Variants in ZNF10 observed in about 807,000 individuals in gnomAD.
ZNF10 encodes the protein zinc finger protein 10 (KOX 1).
A neutral mutation model predicts 12.2 loss-of-function variants in ZNF10; 8 were observed. That is an observed-to-expected ratio of 0.66 (90% CI 0.39 to 1.18). ZNF10 has a LOEUF of 1.18. ZNF10 is among the 50% of genes most tolerant of loss of function. The probability of loss-of-function intolerance (pLI) is 0.01; values close to 1 mark genes in which losing one functional copy is unlikely to be tolerated. For synonymous variants in ZNF10, 229 were observed against 228.2 expected, an observed-to-expected ratio of 1.00 and a Z score of -0.03; for missense variants, 603 against 678.9, an observed-to-expected ratio of 0.89 and a Z score of 1.24.
In ZNF10 at chr12:133,145,122, GC is replaced by G. The variant is rs531458375; in HGVS notation, c.33+599del. 1.6e-4 allele frequency among the ~76,000 whole-genome samples: 25 copies of G among 152,222 alleles called. 1 individual carries two copies. In the South Asian group the frequency reaches 3.3e-3, roughly 20 times the overall value. ...TCAATATCCTGACCTCAGGTGATCC[GC>G]CTGCCTCGGCCTCCCAAAGCACTGC... On this transcript the variant is annotated intron_variant, in intron 2 of 4. Coordinates refer to ENST00000248211, the MANE Select transcript of ZNF10 (RefSeq NM_015394.5).
chr12:133,147,734 G>A (rs1410671012), intron 2 of ZNF10, among the ~76,000 whole-genome samples: 1 of 149,688 alleles, frequency 6.7e-6, no homozygotes, highest in Non-Finnish European at 1.5e-5. Flanking sequence ...TCCTGCCTTA[G>A]CCTCCCGAGT....
At chr12:133,151,758 C>A in intron 3 of ZNF10, 51 bp from the exon 4 acceptor site, 2 of 1,495,954 alleles carry the variant, frequency 1.3e-6, no homozygotes, top group South Asian at 1.2e-5. Flanking sequence ...TCGTGCCTAC[C>A]TCAGAGCTCC....
chr12:133,135,544 T>C (rs1229804259), intron 1 of ZNF10, among the ~76,000 whole-genome samples: 1 of 152,192 alleles, frequency 6.6e-6, no homozygotes, highest in Non-Finnish European at 1.5e-5. Context: ...ATGTCATCAC[T>C]CCTGTGTGTC....
chr12:133,142,209 G>A (rs1283460376), intron 1 of ZNF10, among the ~76,000 whole-genome samples: 1 of 152,140 alleles, frequency 6.6e-6, no homozygotes, highest in Non-Finnish European at 1.5e-5. Context: ...GATCACCTGA[G>A]GTCAGGAGTT....
intron 1 of ZNF10, among the ~76,000 whole-genome samples, chr12:133,131,829 ATAAAT>A (rs1383833831): frequency 6.6e-6 from 1 of 152,036 alleles, no homozygotes; most frequent in Admixed American, 6.5e-5. Flanking sequence ...GATACACATC[ATAAAT>A]TAAATGAGAA....
intron 2 of ZNF10, among the ~76,000 whole-genome samples, chr12:133,150,120 A>G (rs1404143945): frequency 1.3e-5 from 2 of 152,208 alleles, no homozygotes; most frequent in Non-Finnish European, 2.9e-5. Context: ...AGAAGAAAAC[A>G]AATCTGTTAT....
chr12:133,139,581 C>G (rs906391982), intron 1 of ZNF10, among the ~76,000 whole-genome samples: 7 of 152,096 alleles, frequency 4.6e-5, no homozygotes, highest in African/African-American at 1.4e-4. Context: ...TGCAAACACT[C>G]ATTGGAGTGA....
intron 1 of ZNF10, among the ~76,000 whole-genome samples, chr12:133,139,444 A>G (rs1955931663): frequency 1.3e-5 from 2 of 152,234 alleles, no homozygotes; most frequent in South Asian, 4.1e-4. Flanking sequence ...GAGGTAGAAA[A>G]GCCACAATCA....
At chr12:133,142,891 A>G (rs564398175) in intron 1 of ZNF10, among the ~76,000 whole-genome samples, 3 of 152,336 alleles carry the variant, frequency 2.0e-5, no homozygotes, top group Non-Finnish European at 4.4e-5. Context: ...AGATACTTGT[A>G]TGCCAGTGCT....
At chr12:133,141,666 G>GA (rs1678902168) in intron 1 of ZNF10, among the ~76,000 whole-genome samples, 2 of 151,380 alleles carry the variant, frequency 1.3e-5, no homozygotes, top group African/African-American at 4.9e-5. Flanking sequence ...AAAGAAACCA[G>GA]AAAAAAAATG....
At chr12:133,151,549 C>T (rs1278347271) in intron 3 of ZNF10, among the ~76,000 whole-genome samples, 1 of 152,124 alleles carries the variant, frequency 6.6e-6, no homozygotes, top group Non-Finnish European at 1.5e-5. Context: ...GAGGCTGAGG[C>T]AGGAGAATCA....
chr12:133,145,393 G>C (rs2135461154), intron 2 of ZNF10, among the ~76,000 whole-genome samples: 1 of 152,284 alleles, frequency 6.6e-6, no homozygotes, highest in South Asian at 2.1e-4. Context: ...TCTCATCTCT[G>C]TCTTCTTTAA....
At chr12:133,152,917 C>G (rs772745670) in intron 4 of ZNF10, among the ~76,000 whole-genome samples, 38 of 152,112 alleles carry the variant, frequency 2.5e-4, no homozygotes, top group Admixed American at 7.9e-4. Flanking sequence ...GTTTAAATCT[C>G]TACTTTGAAA....
chr12:133,132,883 TA>T (rs1355960606), intron 1 of ZNF10, among the ~76,000 whole-genome samples: 3 of 152,242 alleles, frequency 2.0e-5, no homozygotes, highest in African/African-American at 7.2e-5. Flanking sequence ...CCTTCCCATC[TA>T]GACTCTACCA....
chr12:133,137,868 C>T (rs1424754136), intron 1 of ZNF10, among the ~76,000 whole-genome samples: 1 of 152,160 alleles, frequency 6.6e-6, no homozygotes, highest in Non-Finnish European at 1.5e-5. Context: ...CCCAGTATCC[C>T]TGCTCTGAGA....
intron 2 of ZNF10, among the ~76,000 whole-genome samples, chr12:133,146,052 C>T (rs1566347498): frequency 6.6e-6 from 1 of 152,160 alleles, no homozygotes; most frequent in African/African-American, 2.4e-5. Context: ...GGGCAGGCTT[C>T]TTAGAAACTG....
chr12:133,138,908 A>T (rs1955928390), intron 1 of ZNF10, among the ~76,000 whole-genome samples: 1 of 152,098 alleles, frequency 6.6e-6, no homozygotes, highest in Non-Finnish European at 1.5e-5. Flanking sequence ...TGGCATTCTG[A>T]CTCCTTAAAA....
chr12:133,138,021 A>C (rs189422438), intron 1 of ZNF10, among the ~76,000 whole-genome samples: 1 of 147,366 alleles, frequency 6.8e-6, no homozygotes, highest in East Asian at 2.0e-4. Flanking sequence ...TTAGCTATAC[A>C]TTCATTTGTA....
At position 133,156,188 on chromosome 12, in the gene ZNF10, C is replaced by T. The variant is rs1956040068; in HGVS notation, c.942C>T (p.Thr314=). ...RSSHLIGHQK[T]HTGEEPYECK... ...CTCACCTCATTGGACATCAAAAGACCCATACTGGTGAGGAACCCTATGAAT... is the reference window on the plus strand; with the variant it reads ...CTCACCTCATTGGACATCAAAAGACTCATACTGGTGAGGAACCCTATGAAT... Residue 314 remains threonine (T), a synonymous_variant, in exon 5 of 5, where the codon ACC becomes ACT. Transcript: ENST00000248211. The T allele has an allele frequency of 2.5e-6, 4 of 1,613,664 alleles. No individual in the cohort carries two copies. Among genetic ancestry groups the T allele is most frequent in the Non-Finnish European group, 3.4e-6 (4 of 1,179,982 alleles).
Sources: allele counts gnomAD v4.1 joint callset (sites outside exome capture counted in the v4.1 genomes callset), GRCh38; gene constraint gnomAD v4.1.1; transcripts MANE v1.5; gene names NCBI Gene and HGNC (gene_info 2026-07-23, HGNC 2026-07-21).